Variants in CACNA2D3 observed in about 807,000 individuals in gnomAD.
CACNA2D3 encodes voltage-dependent calcium channel subunit alpha-2/delta-3.
A neutral mutation model predicts 160.6 loss-of-function variants in CACNA2D3; 60 were observed. That is an observed-to-expected ratio of 0.37 (90% CI 0.30 to 0.46). The LOEUF (loss-of-function observed/expected upper bound fraction) is 0.46, where lower values mean the gene tolerates loss of function less well. Among genes scored for constraint, CACNA2D3 ranks in the 20% least tolerant of loss-of-function variants. The pLI is 1.00. For missense variants in CACNA2D3, 1,205 were observed against 1,365.0 expected (o/e 0.88, Z 1.85); for synonymous variants, 558 against 492.9 (o/e 1.13, Z -1.75).
intron 4 of CACNA2D3, among the ~76,000 whole-genome samples, chr3:54,400,673 A>G (rs1366538471): frequency 6.6e-6 from 1 of 152,224 alleles, no homozygotes; most frequent in Admixed American, 6.5e-5. Flanking sequence ...AGGATATACA[A>G]CTGCTTCTAC....
chr3:54,420,407 T>G (rs2106748955), intron 4 of CACNA2D3, among the ~76,000 whole-genome samples: 1 of 152,324 alleles, frequency 6.6e-6, no homozygotes, highest in Non-Finnish European at 1.5e-5. Context: ...AAAGACAACA[T>G]TACTGTCAGA....
intron 3 of CACNA2D3, among the ~76,000 whole-genome samples, chr3:54,368,568 A>G (rs1214928322): frequency 6.6e-6 from 1 of 152,064 alleles, no homozygotes; most frequent in Non-Finnish European, 1.5e-5. Flanking sequence ...AAACCCAGGT[A>G]AGTCACTGAT....
chr3:54,822,924 G>T (rs780630191), intron 14 of CACNA2D3, among the ~76,000 whole-genome samples: 2 of 149,966 alleles, frequency 1.3e-5, no homozygotes, highest in Non-Finnish European at 3.0e-5. Flanking sequence ...GCGCGATCTC[G>T]GCTCACTGCA....
intron 2 of CACNA2D3, among the ~76,000 whole-genome samples, chr3:54,289,651 C>A (rs1299726057): frequency 1.3e-5 from 2 of 152,212 alleles, no homozygotes. Flanking sequence ...TACCTGACTT[C>A]AAACTATACA....
intron 4 of CACNA2D3, among the ~76,000 whole-genome samples, chr3:54,408,264 TGAG>T (rs1699609801): frequency 2.0e-5 from 3 of 152,152 alleles, no homozygotes; most frequent in African/African-American, 7.2e-5. Context: ...AAGTCTGGAT[TGAG>T]TGGAGCTTCT....
At chr3:54,743,502 A>G (rs1008187) in intron 11 of CACNA2D3, among the ~76,000 whole-genome samples, 34,817 of 152,066 alleles carry the variant, frequency 0.23, 4,709 homozygotes, top group East Asian at 0.65. Context: ...TATTCCAAGT[A>G]CAATGGGAAG....
rs869041749 is a variant in CACNA2D3, at chr3:54,439,333, T to TGTG, written c.381+52559_381+52560insGTG. ...GGTGTGTGTGTGTGTGTGTGTGTGT[T>TGTG]TGTGTGTGAAGATAGAGAATTAGCT... On this transcript the variant is annotated intron_variant, in intron 4 of 37. Transcript: ENST00000474759. Among the ~76,000 whole-genome samples, 181 of 147,964 alleles carry TGTG rather than the reference T, an allele frequency of 1.2e-3. 1 individual carries two copies. Among genetic ancestry groups the TGTG allele is most frequent in the South Asian group, 3.6e-3 (17 of 4,684 alleles).
At chr3:54,557,540 C>T (rs572206772) in intron 5 of CACNA2D3, among the ~76,000 whole-genome samples, 15 of 152,292 alleles carry the variant, frequency 9.8e-5, no homozygotes, top group African/African-American at 3.6e-4. Flanking sequence ...GACTCCTTAA[C>T]ATGTTGAGAC....
At chr3:54,622,037 C>G (rs1234837128) in intron 9 of CACNA2D3, among the ~76,000 whole-genome samples, 1 of 152,162 alleles carries the variant, frequency 6.6e-6, no homozygotes, top group Non-Finnish European at 1.5e-5. Context: ...AAGGCAGTGT[C>G]TTACTCAGGC....
At chr3:54,429,005 C>CCTTATGG (rs1209815883) in intron 4 of CACNA2D3, among the ~76,000 whole-genome samples, 2 of 152,124 alleles carry the variant, frequency 1.3e-5, no homozygotes, top group African/African-American at 4.8e-5. Context: ...TTTGGTCAGC[C>CCTTATGG]CTTATGGCTT....
At chr3:54,524,778 A>G (rs541571377) in intron 5 of CACNA2D3, among the ~76,000 whole-genome samples, 66 of 152,000 alleles carry the variant, frequency 4.3e-4, no homozygotes, top group African/African-American at 1.4e-3. Flanking sequence ...TTTAAAATCT[A>G]TTTGTCTCAT....
intron 2 of CACNA2D3, among the ~76,000 whole-genome samples, chr3:54,282,974 G>T (rs1247633194): frequency 1.3e-5 from 2 of 152,042 alleles, no homozygotes; most frequent in Non-Finnish European, 2.9e-5. Context: ...AAATACATGA[G>T]AAATAGGTCT....
At chr3:54,123,448 C>T (rs1699518116) in intron 1 of CACNA2D3, 65 bp from the exon 2 acceptor site, 1 of 1,012,674 alleles carries the variant, frequency 9.9e-7, no homozygotes, top group Non-Finnish European at 1.6e-6. Context: ...TGTGCGTGTG[C>T]GTGTGCGTGC....
chr3:54,812,681 T>TG (rs1028148658), intron 13 of CACNA2D3, among the ~76,000 whole-genome samples: 3 of 152,162 alleles, frequency 2.0e-5, no homozygotes, highest in African/African-American at 7.2e-5. Context: ...CCAAGTCCTT[T>TG]GGGGGTGTAG....
intron 8 of CACNA2D3, among the ~76,000 whole-genome samples, chr3:54,579,337 C>A (rs899536906): frequency 3.3e-5 from 5 of 152,158 alleles, no homozygotes; most frequent in African/African-American, 1.2e-4. Context: ...GCTCCGTCTT[C>A]CTGCTGTGTC....
intron 27 of CACNA2D3, among the ~76,000 whole-genome samples, chr3:54,953,605 G>A (rs200696743): frequency 1.3e-5 from 2 of 152,158 alleles, no homozygotes; most frequent in African/African-American, 4.8e-5. Context: ...GGACATCCAC[G>A]ATCCTTTCTA....
chr3:54,533,554 C>T (rs143583882), intron 5 of CACNA2D3, among the ~76,000 whole-genome samples: 2,538 of 152,084 alleles, frequency 0.017, 68 homozygotes, highest in African/African-American at 0.056. Flanking sequence ...AGGCTAGTCT[C>T]GAACTCCTGA....
At chr3:54,335,223 C>T (rs140613197) in intron 3 of CACNA2D3, among the ~76,000 whole-genome samples, 1 of 152,214 alleles carries the variant, frequency 6.6e-6, no homozygotes, top group African/African-American at 2.4e-5. Flanking sequence ...CAATCCAGAC[C>T]CCAAGAGAGG....
At chr3:54,215,366 G>A (rs1701441831) in intron 2 of CACNA2D3, among the ~76,000 whole-genome samples, 1 of 152,094 alleles carries the variant, frequency 6.6e-6, no homozygotes, top group African/African-American at 2.4e-5. Context: ...TACTGTTACA[G>A]CGTTTTTAAA....
Sources: allele counts gnomAD v4.1 joint callset (sites outside exome capture counted in the v4.1 genomes callset), GRCh38; gene constraint gnomAD v4.1.1; transcripts MANE v1.5; gene names NCBI Gene and HGNC (gene_info 2026-07-23, HGNC 2026-07-21).